The following PLBD2 variants were observed in gnomAD, a reference collection of about 807,000 sequenced individuals.
The protein encoded by PLBD2 is phospholipase B domain containing 2.
PLBD2 carries 51 observed loss-of-function variants against 68.3 expected under a neutral mutation model. The ratio of observed to expected loss-of-function variants is 0.75; its 90% CI spans 0.60 to 0.94. PLBD2 has a LOEUF of 0.94. Among genes scored for constraint, PLBD2 ranks in the 40% least tolerant of loss-of-function variants. The pLI, the probability that PLBD2 is intolerant of heterozygous loss-of-function variation, is 0.00. For synonymous variants in PLBD2, 314 were observed against 339.3 expected, an observed-to-expected ratio of 0.93 and a Z score of 0.82; for missense variants, 729 against 792.2, an observed-to-expected ratio of 0.92 and a Z score of 0.96.
intron 10 of PLBD2, 82 bp from the exon 11 acceptor site, chr12:113,387,662 G>A (rs548560181): frequency 2.0e-4 from 289 of 1,443,320 alleles, no homozygotes; most frequent in East Asian, 6.9e-4. Context: ...AGCTGTTAAC[G>A]GGGCTGCCTG....
At chr12:113,375,055 A>G in intron 5 of PLBD2, 48 bp downstream of exon 5, 1 of 1,567,054 alleles carries the variant, frequency 6.4e-7, no homozygotes. Context: ...GGGTGGGCAC[A>G]CACGTGGGGA....
At chr12:113,387,561 G>A (rs574698436) in intron 10 of PLBD2, among the ~76,000 whole-genome samples, 183 bp from the exon 11 acceptor site, 50 of 152,324 alleles carry the variant, frequency 3.3e-4, no homozygotes, top group South Asian at 2.3e-3. Flanking sequence ...AATGAAGGCA[G>A]AGTGACTTAG....
intron 5 of PLBD2, among the ~76,000 whole-genome samples, chr12:113,380,513 C>T (rs968454111): frequency 4.6e-5 from 7 of 152,214 alleles, no homozygotes; most frequent in Admixed American, 3.3e-4. Flanking sequence ...GTGGAACCCA[C>T]GGACATGGAG....
chr12:113,384,894 C>T lies in PLBD2; in HGVS notation c.1162C>T (p.Pro388Ser), dbSNP rs760289570. 4 of 1,613,658 alleles carry T rather than the reference C, an allele frequency of 2.5e-6. No individual in the cohort carries two copies. Among genetic ancestry groups the T allele is most frequent in the Non-Finnish European group, 8.5e-7 (1 of 1,179,924 alleles). Residue 388 changes from proline (P) to serine (S), a missense_variant, in exon 8 of 12, where the codon CCG becomes TCG. Coordinates refer to ENST00000280800, the MANE Select transcript of PLBD2 (RefSeq NM_173542.4). This position sits in a 1 kb window ranked among gnomAD's most constrained non-coding sequence, Gnocchi z 4.2. ...GATCGTGGACTACAAGGCGTTCATC[C>T]CGGGTGGGCCCAGCCCCGGGAGCCG... Reference protein sequence around the residue: ...WMIVDYKAFIPGGPSPGSRVL... With the variant: ...WMIVDYKAFISGGPSPGSRVL...
intron 1 of PLBD2, among the ~76,000 whole-genome samples, chr12:113,367,759 A>AAAAAAGG (rs1555205485): frequency 6.8e-6 from 1 of 148,096 alleles, no homozygotes; most frequent in Non-Finnish European, 1.5e-5. Flanking sequence ...AAAAAAAAAA[A>AAAAAAGG]AAAAAAGAAA....
In PLBD2 at chr12:113,391,003, A is replaced by G. The variant is rs565804515; in HGVS notation, c.*2377A>G. 12 of 152,048 alleles carry G rather than the reference A, an allele frequency of 7.9e-5. No homozygotes were observed. In the East Asian group the frequency reaches 2.1e-3, roughly 27 times the overall value. The allele number at this position is 152,048 out of a possible 1,614,324, so 9.4% of individuals were successfully genotyped here. ...ATGCATCCATATTTATCTATTTTCT[A>G]TCCATCAGCCATCCATTCATTCATA... On this transcript the variant is annotated 3_prime_UTR_variant, in exon 12 of 12. Coordinates refer to ENST00000280800, the MANE Select transcript of PLBD2 (RefSeq NM_173542.4).
At chr12:113,365,615 T>C (rs933535363) in intron 1 of PLBD2, among the ~76,000 whole-genome samples, 9 of 151,680 alleles carry the variant, frequency 5.9e-5, no homozygotes, top group African/African-American at 2.2e-4. Context: ...GCCCTGGCCA[T>C]TTTTGGAAGA....
chr12:113,385,337 C>T (rs965916202), intron 9 of PLBD2, 54 bp downstream of exon 9: 81 of 1,485,348 alleles, frequency 5.5e-5, no homozygotes, highest in Non-Finnish European at 1.8e-5. Flanking sequence ...CCACCTCACT[C>T]CTTGCCCAGC....
rs1277843807 is a variant in PLBD2 at position 113,384,136 on chromosome 12, A to G, written c.989A>G (p.Asn330Ser). Residue 330 changes from asparagine to serine, a missense_variant, in exon 7 of 12, where the codon AAC becomes AGC. Coordinates refer to ENST00000280800, the MANE Select transcript of PLBD2 (RefSeq NM_173542.4). The surrounding 1 kb of genome is among the most constrained non-coding windows in gnomAD (Gnocchi z 4.2). ...CTGGAGACCACCATTGGCAACAAGA[A>G]CCCAGCCCTGTGGAAGTATGTGCGG... Reference protein sequence around the residue: ...VTLETTIGNKNPALWKYVRPR... With the variant: ...VTLETTIGNKSPALWKYVRPR... The G allele has an allele frequency of 6.2e-7, 1 of 1,613,160 alleles. No homozygotes were observed. Among genetic ancestry groups the G allele is most frequent in the Non-Finnish European group, 8.5e-7 (1 of 1,179,418 alleles).
In PLBD2 at chr12:113,358,614, T is replaced by G. The variant is rs986360256; in HGVS notation, c.14T>G (p.Met5Arg). Residue 5 changes from methionine to arginine, a missense_variant, in exon 1 of 12, where the codon ATG becomes AGG. Coordinates refer to ENST00000280800, the MANE Select transcript of PLBD2 (RefSeq NM_173542.4). MVGQMYCYPGSHLAR... is the reference protein window; with the variant it reads MVGQRYCYPGSHLAR... ...CATTGTGCGGTCATGGTGGGCCAGA[T>G]GTACTGCTACCCCGGCAGCCACCTG... is the stretch of plus-strand genomic sequence containing the variant. 1.4e-6 allele frequency: 2 copies of G among 1,470,768 alleles called. No homozygotes were observed. 91.1% of individuals were successfully genotyped at this position (1,470,768 alleles called of 1,614,324 possible).
intron 1 of PLBD2, among the ~76,000 whole-genome samples, chr12:113,363,444 C>T (rs913213831): frequency 2.0e-5 from 3 of 151,226 alleles, no homozygotes; most frequent in Non-Finnish European, 4.4e-5. Flanking sequence ...CAAAACAAAA[C>T]AAAACAAATT....
At chr12:113,364,568 T>C (rs1957325829) in intron 1 of PLBD2, among the ~76,000 whole-genome samples, 1 of 151,810 alleles carries the variant, frequency 6.6e-6, no homozygotes, top group African/African-American at 2.4e-5. Context: ...CAAGCGATCC[T>C]CCCATCTTAG....
Position 113,387,912 on chromosome 12 carries a change from G to T in PLBD2, c.1602+6G>T. The T allele has an allele frequency of 6.2e-7, 1 of 1,614,012 alleles. No individual in the cohort carries two copies. The highest frequency in any genetic ancestry group is 8.5e-7 in the Non-Finnish European group (1 of 1,179,908). On this transcript the variant is annotated splice_donor_region_variant and intron_variant, in intron 11 of 11. Transcript: ENST00000280800. ...ATGGGGGTATCGATGTGAAGGTGCT[G>T]CCTCCTCCCTAGGGCCTGAGCTGTG...
Position 113,358,620 on chromosome 12 carries a change from G to A in PLBD2, c.20G>A (p.Cys7Tyr). The A allele has an allele frequency of 1.4e-6, 2 of 1,468,862 alleles. No homozygotes were observed. The highest frequency in any genetic ancestry group is 1.8e-6 in the Non-Finnish European group (2 of 1,117,956). 91.0% of individuals were successfully genotyped at this position (1,468,862 alleles called of 1,614,324 possible). MVGQMYCYPGSHLARAL... is the reference protein window; with the variant it reads MVGQMYYYPGSHLARAL... Reference sequence around the variant, plus strand: ...GCGGTCATGGTGGGCCAGATGTACTGCTACCCCGGCAGCCACCTGGCCCGG... The same window carrying A: ...GCGGTCATGGTGGGCCAGATGTACTACTACCCCGGCAGCCACCTGGCCCGG... Residue 7 changes from cysteine (C) to tyrosine (Y), a missense_variant, in exon 1 of 12, where the codon TGC becomes TAC. Cys to Tyr is a radical substitution (Grantham distance 194). Coordinates refer to ENST00000280800, the MANE Select transcript of PLBD2 (RefSeq NM_173542.4).
At position 113,384,801 on chromosome 12, in the gene PLBD2, G is replaced by A; in HGVS notation, c.1119-50G>A. The A allele has an allele frequency of 6.7e-7, 1 of 1,502,322 alleles. No individual in the cohort carries two copies. Among genetic ancestry groups the A allele is most frequent in the Non-Finnish European group, 9.2e-7 (1 of 1,081,338 alleles). The allele number at this position is 1,502,322 out of a possible 1,614,324, so 93.1% of individuals were successfully genotyped here. On this transcript the variant is annotated intron_variant, in intron 7 of 11. Transcript: ENST00000280800. This position sits in a 1 kb window ranked among gnomAD's most constrained non-coding sequence, Gnocchi z 4.2. ...GGGACACTGCAGGGTGGGGAAAGCT[G>A]GGGAGGTGGCTCCAGGCTCTGTTCA...
chr12:113,387,057 A>T lies in PLBD2; in HGVS notation c.1407A>T (p.Val469=). The change falls in exon 10 of 12, where the codon GTA becomes GTT. Residue 469 remains valine (V), a synonymous_variant. Transcript: ENST00000280800. ...TCTTCCGGCGGAACCAGTCACTGGT[A>T]CAAGACATGGACTCCATGGTCAGGC... ...AQIFRRNQSL[V]QDMDSMVRLM... 1 of 1,608,890 alleles carries T rather than the reference A, an allele frequency of 6.2e-7. No individual in the cohort carries two copies. Among genetic ancestry groups the T allele is most frequent in the Non-Finnish European group, 8.5e-7 (1 of 1,177,856 alleles).
At chr12:113,365,044 G>T (rs1245102314) in intron 1 of PLBD2, among the ~76,000 whole-genome samples, 1 of 152,040 alleles carries the variant, frequency 6.6e-6, no homozygotes, top group Non-Finnish European at 1.5e-5. Context: ...TTTTTCCTCT[G>T]TCCTTATCTG....
rs888105549 is a variant in PLBD2 at position 113,367,815 on chromosome 12, A to G, written c.291-1301A>G. On this transcript the variant is annotated intron_variant, in intron 1 of 11. Transcript: ENST00000280800. ...TTAAGCTACTGTAAAGTATCTTAAC[A>G]AAGTGCCTGTAATCCCAGCACTTTG... Among the ~76,000 whole-genome samples the G allele has an allele frequency of 6.6e-5, 10 of 150,836 alleles. No individual in the cohort carries two copies. The East Asian group carries it at 1.6e-3, about 24-fold the overall frequency.
intron 1 of PLBD2, among the ~76,000 whole-genome samples, chr12:113,360,590 T>C (rs1354447141): frequency 6.6e-6 from 1 of 152,250 alleles, no homozygotes; most frequent in Non-Finnish European, 1.5e-5. Flanking sequence ...TTCCCTCATA[T>C]CAAGGTAGGA....
Sources: gnomAD v4.1 joint callset for allele counts (sites outside exome capture counted in the v4.1 genomes callset) on GRCh38, gnomAD v4.1.1 for gene constraint, Gnocchi (gnomAD v3.1) non-coding constraint, MANE v1.5 for transcripts, NCBI Gene and HGNC (gene_info 2026-07-23, HGNC 2026-07-21) for gene names.